LPAR1: variants seen among roughly 807,000 people sequenced by gnomAD.
LPAR1 encodes LPA receptor 1.
A neutral mutation model predicts 23.8 loss-of-function variants in LPAR1; 5 were observed. The ratio of observed to expected loss-of-function variants is 0.21; its 90% CI spans 0.11 to 0.44. The LOEUF (loss-of-function observed/expected upper bound fraction) is 0.44, where lower values mean the gene tolerates loss of function less well. LPAR1 is among the 20% of genes least tolerant of loss of function. The probability of loss-of-function intolerance (pLI) is 0.99; values close to 1 mark genes in which losing one functional copy is unlikely to be tolerated. For missense variants in LPAR1, 311 were observed against 482.8 expected, an observed-to-expected ratio of 0.64 and a Z score of 3.33; for synonymous variants, 160 against 164.7, an observed-to-expected ratio of 0.97 and a Z score of 0.22.
At chr9:110,990,996 G>A (rs927598258) in intron 2 of LPAR1, among the ~76,000 whole-genome samples, 11 of 152,092 alleles carry the variant, frequency 7.2e-5, no homozygotes, top group African/African-American at 2.7e-4. Context: ...TAAAATCATG[G>A]TGGAACTATT....
intron 5 of LPAR1, among the ~76,000 whole-genome samples, chr9:110,916,081 T>C (rs917034008): frequency 6.6e-6 from 1 of 152,246 alleles, no homozygotes; most frequent in African/African-American, 2.4e-5. Context: ...ATAATACTAC[T>C]ATATACATTT....
chr9:110,913,812 A>G (rs1169743600), intron 5 of LPAR1, among the ~76,000 whole-genome samples: 1 of 152,168 alleles, frequency 6.6e-6, no homozygotes, highest in Non-Finnish European at 1.5e-5. Flanking sequence ...ATTGTTGAGT[A>G]GGAAGATCAA....
intron 2 of LPAR1, among the ~76,000 whole-genome samples, chr9:111,002,889 G>T (rs734250): frequency 6.6e-6 from 1 of 152,042 alleles, no homozygotes; most frequent in Admixed American, 6.6e-5. Context: ...TTGTAATCCC[G>T]GCAGTCTGTG....
At chr9:110,967,958 G>C (rs1278190255) in intron 4 of LPAR1, among the ~76,000 whole-genome samples, 2 of 152,090 alleles carry the variant, frequency 1.3e-5, no homozygotes, top group Non-Finnish European at 2.9e-5. Flanking sequence ...CTTCCCCGTG[G>C]GCTTAGTTCC....
intron 5 of LPAR1, among the ~76,000 whole-genome samples, chr9:110,880,413 C>T (rs1251627123): frequency 6.6e-6 from 1 of 152,188 alleles, no homozygotes; most frequent in African/African-American, 2.4e-5. Flanking sequence ...CTCACAATTA[C>T]AGTCTTTTTT....
chr9:110,953,022 T>C (rs1564150116), intron 4 of LPAR1, among the ~76,000 whole-genome samples: 1 of 152,216 alleles, frequency 6.6e-6, no homozygotes, highest in Non-Finnish European at 1.5e-5. Flanking sequence ...ACTGCAGGCC[T>C]GGCGACTGGC....
At chr9:110,933,691 T>TGC (rs2094528063) in intron 5 of LPAR1, among the ~76,000 whole-genome samples, 1 of 152,166 alleles carries the variant, frequency 6.6e-6, no homozygotes, top group South Asian at 2.1e-4. Flanking sequence ...TTATTACCTT[T>TGC]AACGACAAGG....
intron 2 of LPAR1, among the ~76,000 whole-genome samples, chr9:111,024,394 T>C (rs1451808984): frequency 3.4e-5 from 5 of 147,918 alleles, no homozygotes; most frequent in South Asian, 2.1e-4. Context: ...TTTATATATA[T>C]ACACACACAC....
At chr9:110,949,508 T>A (rs1022318203) in intron 4 of LPAR1, among the ~76,000 whole-genome samples, 4 of 152,224 alleles carry the variant, frequency 2.6e-5, no homozygotes, top group Non-Finnish European at 5.9e-5. Context: ...CTTGATATGT[T>A]TTCTCTCCAG....
intron 2 of LPAR1, among the ~76,000 whole-genome samples, chr9:111,032,669 T>C (rs778180435): frequency 6.6e-6 from 1 of 152,094 alleles, no homozygotes; most frequent in Non-Finnish European, 1.5e-5. Flanking sequence ...CACCTAGGCA[T>C]AGGGGAAGAA....
chr9:110,960,320 G>A (rs2095917291), intron 4 of LPAR1, among the ~76,000 whole-genome samples: 1 of 152,106 alleles, frequency 6.6e-6, no homozygotes, highest in Non-Finnish European at 1.5e-5. Context: ...CTGTAAACAT[G>A]TACAAATATT....
intron 5 of LPAR1, among the ~76,000 whole-genome samples, chr9:110,887,782 T>C (rs2082812784): frequency 6.6e-6 from 1 of 152,210 alleles, no homozygotes; most frequent in Admixed American, 6.5e-5. Flanking sequence ...AAGCAAATTC[T>C]GACTAGCCCG....
intron 5 of LPAR1, among the ~76,000 whole-genome samples, chr9:110,892,722 A>C (rs2133294630): frequency 7.0e-6 from 1 of 143,194 alleles, no homozygotes; most frequent in African/African-American, 2.6e-5. Context: ...GGAAAGGGGA[A>C]GGGAAAGGGA....
intron 3 of LPAR1, among the ~76,000 whole-genome samples, chr9:110,972,808 G>C (rs982611694): frequency 6.6e-6 from 1 of 152,038 alleles, no homozygotes; most frequent in African/African-American, 2.4e-5. Flanking sequence ...TTAGCCAGGC[G>C]TGGTAGAACA....
At chr9:111,018,136 A>C (rs918912857) in intron 2 of LPAR1, among the ~76,000 whole-genome samples, 1 of 152,238 alleles carries the variant, frequency 6.6e-6, no homozygotes, top group Non-Finnish European at 1.5e-5. Context: ...TGGATGAGTG[A>C]AAGACATGAC....
intron 5 of LPAR1, among the ~76,000 whole-genome samples, chr9:110,902,803 G>T (rs1255401829): frequency 2.6e-5 from 4 of 152,168 alleles, no homozygotes; most frequent in Non-Finnish European, 5.9e-5. Context: ...CAGCACTAGT[G>T]CCTGTCTCCA....
At chr9:110,905,481 G>A (rs1430470811) in intron 5 of LPAR1, among the ~76,000 whole-genome samples, 5 of 151,528 alleles carry the variant, frequency 3.3e-5, no homozygotes, top group Non-Finnish European at 7.4e-5. Context: ...CCAGCAGCTG[G>A]GATTACAGGC....
chr9:110,991,984 T>C (rs907503498), intron 2 of LPAR1, among the ~76,000 whole-genome samples: 12 of 129,344 alleles, frequency 9.3e-5, no homozygotes, highest in African/African-American at 3.3e-4. Context: ...TAACTTAAAT[T>C]CTTTAAAAGC....
chr9:111,034,185 T>C (rs2097851639), intron 2 of LPAR1, among the ~76,000 whole-genome samples: 1 of 152,248 alleles, frequency 6.6e-6, no homozygotes, highest in Admixed American at 6.5e-5. Flanking sequence ...GCTACTTGGC[T>C]TCCCTCTCTC....
Sources: allele counts gnomAD v4.1 joint callset (sites outside exome capture counted in the v4.1 genomes callset), GRCh38; gene constraint gnomAD v4.1.1; transcripts MANE v1.5; gene names NCBI Gene and HGNC (gene_info 2026-07-23, HGNC 2026-07-21).